RARB: variants seen among roughly 807,000 people sequenced by gnomAD.
RARB encodes the protein retinoic acid receptor beta, also known as HBV-activated protein.
A neutral mutation model predicts 51.9 loss-of-function variants in RARB; 17 were observed. The observed-to-expected ratio is 0.33, with a 90% CI of 0.22 to 0.49. The LOEUF (loss-of-function observed/expected upper bound fraction) is 0.49, where lower values mean the gene tolerates loss of function less well. Among genes scored for constraint, RARB ranks in the 20% least tolerant of loss-of-function variants. The pLI is 0.99. For missense variants in RARB, 369 were observed against 550.8 expected (o/e 0.67, Z 3.30); for synonymous variants, 215 against 195.4 (o/e 1.10, Z -0.84).
In RARB at chr3:25,194,052, T is replaced by C. The variant is rs1242646137; in HGVS notation, c.178+19477T>C. ...ATGGATAAAGAAATCATGGTATGTATATATATATGAATATTCAGGCTTTAA... is the reference window on the plus strand; with the variant it reads ...ATGGATAAAGAAATCATGGTATGTACATATATATGAATATTCAGGCTTTAA... On this transcript the variant is annotated intron_variant, in intron 5 of 11. Coordinates refer to the RARB transcript ENST00000383772. Among the ~76,000 whole-genome samples the C allele has an allele frequency of 2.0e-5, 3 of 151,846 alleles. No individual in the cohort carries two copies. In the East Asian group the frequency reaches 5.8e-4, roughly 29 times the overall value.
chr3:25,521,874 G>A (rs1479198380), intron 3 of RARB, among the ~76,000 whole-genome samples: 1 of 152,052 alleles, frequency 6.6e-6, no homozygotes, highest in African/African-American at 2.4e-5. Flanking sequence ...TTTGCTTCCA[G>A]GACATAATTA....
chr3:25,323,487 G>A (rs74982394), intron 5 of RARB, among the ~76,000 whole-genome samples: 1 of 152,172 alleles, frequency 6.6e-6, no homozygotes, highest in Non-Finnish European at 1.5e-5. Flanking sequence ...TATAATAGTA[G>A]TCTACTCAGT....
At chr3:25,339,312 C>A in intron 5 of RARB, among the ~76,000 whole-genome samples, 1 of 152,182 alleles carries the variant, frequency 6.6e-6, no homozygotes, top group East Asian at 1.9e-4. Context: ...TACTCTGTAG[C>A]CTCACTTGTG....
chr3:25,190,691 C>T (rs766048463), intron 5 of RARB, among the ~76,000 whole-genome samples: 2 of 152,082 alleles, frequency 1.3e-5, no homozygotes, highest in Non-Finnish European at 2.9e-5. Context: ...GCCCTTCCTC[C>T]AAAAAGGAAC....
At chr3:24,925,784 C>T (rs1273970340) in intron 2 of RARB, among the ~76,000 whole-genome samples, 1 of 151,664 alleles carries the variant, frequency 6.6e-6, no homozygotes, top group Non-Finnish European at 1.5e-5. Flanking sequence ...CAATAGCTTA[C>T]TCTTGCCTAC....
At chr3:25,368,290 A>G (rs929352926) in intron 5 of RARB, among the ~76,000 whole-genome samples, 1 of 152,186 alleles carries the variant, frequency 6.6e-6, no homozygotes, top group Admixed American at 6.5e-5. Context: ...AGACTAGGCA[A>G]TTGATATTTT....
At chr3:25,202,776 T>G (rs1341577995) in intron 5 of RARB, among the ~76,000 whole-genome samples, 4 of 152,218 alleles carry the variant, frequency 2.6e-5, no homozygotes, top group Non-Finnish European at 4.4e-5. Flanking sequence ...GAGTTCTAGT[T>G]TGATTGCACT....
intron 2 of RARB, among the ~76,000 whole-genome samples, chr3:24,864,964 A>C (rs921304732): frequency 2.6e-5 from 4 of 152,180 alleles, no homozygotes; most frequent in Non-Finnish European, 5.9e-5. Context: ...TCTTGTTCAC[A>C]ATGGTATTGT....
chr3:25,531,405 TAGATAGATAGATAGATAGA>T (rs963993024), intron 3 of RARB, among the ~76,000 whole-genome samples: 3 of 136,028 alleles, frequency 2.2e-5, no homozygotes, highest in Non-Finnish European at 3.3e-5. Context: ...GATAGATAGA[TAGATAGATAGATAGATAGA>T]AGATAGATAG....
At chr3:25,189,205 A>C (rs923271737) in intron 5 of RARB, among the ~76,000 whole-genome samples, 2 of 152,184 alleles carry the variant, frequency 1.3e-5, no homozygotes, top group African/African-American at 4.8e-5. Flanking sequence ...AAGGTCAGTC[A>C]GCAAAAGCAG....
At chr3:25,021,377 T>A (rs1402599411) in intron 2 of RARB, among the ~76,000 whole-genome samples, 1 of 152,146 alleles carries the variant, frequency 6.6e-6, no homozygotes, top group Non-Finnish European at 1.5e-5. Context: ...GTCAGTTTAT[T>A]GCCTTTTTTT....
intron 5 of RARB, among the ~76,000 whole-genome samples, chr3:25,201,562 TG>T (rs1359658453): frequency 6.6e-6 from 1 of 152,166 alleles, no homozygotes; most frequent in Non-Finnish European, 1.5e-5. Flanking sequence ...ATATTGGCTG[TG>T]GGTTTGTCAT....
intron 5 of RARB, among the ~76,000 whole-genome samples, chr3:25,279,843 C>T (rs1001813569): frequency 6.6e-6 from 1 of 151,934 alleles, no homozygotes; most frequent in Admixed American, 6.6e-5. Context: ...TATTATACAT[C>T]CTGTGTCAGT....
chr3:25,390,033 G>C (rs1706905950), intron 5 of RARB, among the ~76,000 whole-genome samples: 1 of 152,118 alleles, frequency 6.6e-6, no homozygotes, highest in African/African-American at 2.4e-5. Flanking sequence ...TGAAGGGGCT[G>C]AGGTTATTTA....
chr3:25,443,290 G>C (rs1257952651), intron 1 of RARB, among the ~76,000 whole-genome samples: 1 of 152,096 alleles, frequency 6.6e-6, no homozygotes, highest in Non-Finnish European at 1.5e-5. Flanking sequence ...TGGCAAACTG[G>C]CCTGAAAACA....
intron 2 of RARB, among the ~76,000 whole-genome samples, chr3:25,044,895 C>G (rs1040643118): frequency 7.2e-5 from 11 of 152,134 alleles, no homozygotes; most frequent in African/African-American, 1.9e-4. Context: ...CTTTATTAAT[C>G]TCCATTGTTC....
At chr3:25,489,573 G>C (rs1696627802) in intron 2 of RARB, among the ~76,000 whole-genome samples, 1 of 152,216 alleles carries the variant, frequency 6.6e-6, no homozygotes, top group Admixed American at 6.5e-5. Flanking sequence ...AAGGACTCCG[G>C]TTTCAAAGAA....
At chr3:25,529,551 T>C (rs1698805352) in intron 3 of RARB, among the ~76,000 whole-genome samples, 1 of 152,136 alleles carries the variant, frequency 6.6e-6, no homozygotes, top group African/African-American at 2.4e-5. Context: ...GAGGAAATGA[T>C]GAAATGGACG....
chr3:24,907,565 A>G (rs1360986654), intron 2 of RARB, among the ~76,000 whole-genome samples: 2 of 152,166 alleles, frequency 1.3e-5, no homozygotes, highest in Non-Finnish European at 2.9e-5. Context: ...AAAGGGCAAG[A>G]GAAGCTGAGT....
Sources: gnomAD v4.1 joint callset for allele counts (sites outside exome capture counted in the v4.1 genomes callset) on GRCh38, gnomAD v4.1.1 for gene constraint, MANE v1.5 for transcripts, NCBI Gene and HGNC (gene_info 2026-07-23, HGNC 2026-07-21) for gene names.